IGSF6: variants seen among roughly 807,000 people sequenced by gnomAD.
IGSF6 encodes the protein down-regulated by activation (immunoglobulin superfamily).
IGSF6 carries 23 observed loss-of-function variants against 24.7 expected under a neutral mutation model. The observed-to-expected ratio is 0.93, with a 90% CI of 0.67 to 1.32. IGSF6 has a LOEUF of 1.32. IGSF6 is among the 40% of genes most tolerant of loss of function. IGSF6 has a pLI of 0.00. For missense variants in IGSF6, 295 were observed against 293.6 expected (o/e 1.00, Z -0.04); for synonymous variants, 110 against 113.7 (o/e 0.97, Z 0.21).
intron 3 of IGSF6, 70 bp from the exon 4 acceptor site, chr16:21,643,668 G>T: frequency 1.0e-6 from 1 of 981,928 alleles, no homozygotes; most frequent in Non-Finnish European, 1.6e-6. Flanking sequence ...GATATCTCAT[G>T]CCCTAATAAG....
chr16:21,644,334 CAG>C lies in IGSF6; in HGVS notation c.488_489del (p.Ser163CysfsTer50). ...GCCACGCACACACCGGTCACATAGA[CAG>C]AGAGCAGTGATACAAGAGCTGTCAG... The part of the protein sequence containing the change: ...SFLTALVSLL[S>X]VYVTGVCVAF... On this transcript the variant is annotated frameshift_variant, in exon 3 of 6. Transcript: ENST00000268389. LOFTEE classifies it high-confidence loss of function. 1.2e-6 allele frequency: 2 copies of C among 1,614,024 alleles called. No individual in the cohort carries two copies. Among genetic ancestry groups the C allele is most frequent in the Non-Finnish European group, 1.7e-6 (2 of 1,179,938 alleles).
At chr16:21,644,209 C>T in intron 3 of IGSF6, 81 bp downstream of exon 3, 1 of 1,040,796 alleles carries the variant, frequency 9.6e-7, no homozygotes, top group South Asian at 1.3e-5. Context: ...AGGCCCATAA[C>T]TTGTGGAGAG....
chr16:21,648,239 T>C (rs1966480213), intron 1 of IGSF6, among the ~76,000 whole-genome samples: 1 of 152,162 alleles, frequency 6.6e-6, no homozygotes, highest in African/African-American at 2.4e-5. Flanking sequence ...ATTAACAATA[T>C]TGTGATAAAG....
chr16:21,647,184 G>T lies in IGSF6; in HGVS notation c.376C>A (p.Pro126Thr). The T allele has an allele frequency of 1.2e-6, 2 of 1,614,052 alleles. No individual in the cohort carries two copies. Among genetic ancestry groups the T allele is most frequent in the Non-Finnish European group, 1.7e-6 (2 of 1,179,964 alleles). Residue 126 changes from proline (P) to threonine (T), a missense_variant, in exon 2 of 6, where the codon CCG (proline) becomes ACG (threonine). Physicochemically the swap from Pro to Thr is conservative, Grantham distance 38. Transcript: ENST00000268389. Reference sequence around the variant, plus strand: ...CCTGTCTGTTTAGCTCTCGCTTCCGGCACACTGGGGAATGCTATTCCACAG... The same window carrying T: ...CCTGTCTGTTTAGCTCTCGCTTCCGTCACACTGGGGAATGCTATTCCACAG... ...YICGIAFPSVPEARAKQTGGG... is the reference protein window; with the variant it reads ...YICGIAFPSVTEARAKQTGGG...
At chr16:21,645,188 C>G (rs927950941) in intron 2 of IGSF6, among the ~76,000 whole-genome samples, 3 of 152,218 alleles carry the variant, frequency 2.0e-5, no homozygotes, top group Admixed American at 1.3e-4. Flanking sequence ...TGTGATGGCT[C>G]ATGCCTGTAA....
intron 2 of IGSF6, among the ~76,000 whole-genome samples, chr16:21,644,649 G>A (rs895953287): frequency 3.3e-5 from 5 of 152,136 alleles, no homozygotes; most frequent in African/African-American, 1.2e-4. Context: ...CCAACCATTT[G>A]TCATATTGCT....
At chr16:21,644,084 C>T (rs1181371015) in intron 3 of IGSF6, among the ~76,000 whole-genome samples, 2 of 152,114 alleles carry the variant, frequency 1.3e-5, no homozygotes, top group African/African-American at 4.8e-5. Context: ...AAACTATGTC[C>T]CCTGGCTAAT....
chr16:21,647,483 C>G lies in IGSF6; in HGVS notation c.77G>C (p.Gly26Ala). ...NLILFCVGAV[G>A]ACTLSVTQPW... is the part of the protein sequence containing the mutation. ...TTGTGTGACAGAGAGAGTACAGGCGCCCACAGCACCTGTGGGAGGAAGCAG... is the reference window on the plus strand; with the variant it reads ...TTGTGTGACAGAGAGAGTACAGGCGGCCACAGCACCTGTGGGAGGAAGCAG... Residue 26 changes from glycine (G) to alanine (A), a missense_variant, in exon 2 of 6, where the codon GGC becomes GCC. Gly to Ala is a moderately conservative substitution (Grantham distance 60). Coordinates refer to ENST00000268389, the MANE Select transcript of IGSF6 (RefSeq NM_005849.4). 16 of 1,609,488 alleles carry G rather than the reference C, an allele frequency of 9.9e-6. 1 individual carries two copies. Among genetic ancestry groups the G allele is most frequent in the Non-Finnish European group, 1.4e-5 (16 of 1,176,276 alleles).
At chr16:21,645,936 C>T (rs887401391) in intron 2 of IGSF6, among the ~76,000 whole-genome samples, 6 of 152,120 alleles carry the variant, frequency 3.9e-5, no homozygotes, top group African/African-American at 9.7e-5. Context: ...CCATTAGAAC[C>T]CTCGTAGTTT....
At chr16:21,649,331 T>C (rs1161336345) in intron 1 of IGSF6, among the ~76,000 whole-genome samples, 1 of 152,102 alleles carries the variant, frequency 6.6e-6, no homozygotes, top group Non-Finnish European at 1.5e-5. Flanking sequence ...TTGTGCAACA[T>C]GAGATGAGCT....
At chr16:21,646,655 T>G in intron 2 of IGSF6, 2 of 222,956 alleles carry the variant, frequency 9.0e-6, no homozygotes, top group Non-Finnish European at 1.8e-5. Flanking sequence ...TGGATTGGAG[T>G]AGTTCTTTTG....
At chr16:21,643,862 T>G (rs1966344818) in intron 3 of IGSF6, among the ~76,000 whole-genome samples, 1 of 152,220 alleles carries the variant, frequency 6.6e-6, no homozygotes, top group Non-Finnish European at 1.5e-5. Flanking sequence ...TATTCTTTTT[T>G]AATAACTTTA....
intron 1 of IGSF6, among the ~76,000 whole-genome samples, chr16:21,648,073 A>G (rs906331659): frequency 2.0e-5 from 3 of 152,158 alleles, no homozygotes; most frequent in African/African-American, 7.2e-5. Context: ...AAAAGGCAAC[A>G]TGTACACCTG....
intron 2 of IGSF6, chr16:21,646,771 T>C: frequency 3.1e-6 from 1 of 325,280 alleles, no homozygotes; most frequent in Non-Finnish European, 6.1e-6. Flanking sequence ...TTCTCCTGCC[T>C]CAACCTCCCA....
Position 21,647,248 on chromosome 16 carries a change from A to G in IGSF6, c.312T>C (p.Thr104=), listed in dbSNP as rs1966454171. ...EALKENQVSL[T]VNRVTSNDSA... is the part of the protein sequence containing the mutation. ...TGTCATTTGAAGTCACTCTGTTTACAGTGAGGGAAACTTGGTTTTCTTTGA... is the reference window on the plus strand; with the variant it reads ...TGTCATTTGAAGTCACTCTGTTTACGGTGAGGGAAACTTGGTTTTCTTTGA... Residue 104 remains threonine, a synonymous_variant, in exon 2 of 6, where the codon ACT becomes ACC. Coordinates refer to ENST00000268389, the MANE Select transcript of IGSF6 (RefSeq NM_005849.4). 2 of 1,614,068 alleles carry G rather than the reference A, an allele frequency of 1.2e-6. No homozygotes were observed. The highest frequency in any genetic ancestry group is 1.3e-5 in the African/African-American group (1 of 74,918).
rs1567347146 is a variant in IGSF6 at position 21,647,354 on chromosome 16, C to T, written c.206G>A (p.Arg69His). ...GTTCTCAGGCTGGTGAGCACCGTAG[C>T]GAAACCACAGGCATGTTGGTTGCTC... The part of the protein sequence containing the change: ...PSEQPTCLWF[R>H]YGAHQPENLC... The change falls in exon 2 of 6, where the codon CGC (arginine) becomes CAC (histidine). Residue 69 changes from arginine to histidine, a missense_variant. Coordinates refer to ENST00000268389, the MANE Select transcript of IGSF6 (RefSeq NM_005849.4). 1.9e-5 allele frequency: 31 copies of T among 1,614,118 alleles called. No individual in the cohort carries two copies. The highest frequency in any genetic ancestry group is 2.7e-5 in the African/African-American group (2 of 75,012).
Position 21,647,642 on chromosome 16 carries a change from C to T in IGSF6, c.68-150G>A. 3.9e-6 allele frequency: 4 copies of T among 1,035,490 alleles called. No homozygotes were observed. The South Asian group carries it at 6.9e-5, about 18-fold the overall frequency. 64.1% of individuals were successfully genotyped at this position (1,035,490 alleles called of 1,614,324 possible). The stretch of plus-strand genomic sequence containing the variant: ...AGACTAAAAATAAACACCAGTGGTC[C>T]TCACTTGCCCCAACTCCTCCTGTTT... On this transcript the variant is annotated intron_variant, in intron 1 of 5. Transcript: ENST00000268389.
In IGSF6 at chr16:21,641,436, C is replaced by T; in HGVS notation, c.*98G>A. On this transcript the variant is annotated 3_prime_UTR_variant, in exon 6 of 6. Coordinates refer to ENST00000268389, the MANE Select transcript of IGSF6 (RefSeq NM_005849.4). ...GTAGCCAGTTGTCTTTTCAGTTTAC[C>T]TTTATTTTTTTTTAAGACCTGATGA... 6.9e-6 allele frequency: 4 copies of T among 583,750 alleles called. No individual in the cohort carries two copies. The highest frequency in any genetic ancestry group is 8.8e-6 in the Non-Finnish European group (3 of 341,982). The allele number at this position is 583,750 out of a possible 1,614,324, so 36.2% of individuals were successfully genotyped here.
chr16:21,649,046 A>G (rs901795620), intron 1 of IGSF6, among the ~76,000 whole-genome samples: 1 of 152,028 alleles, frequency 6.6e-6, no homozygotes, highest in African/African-American at 2.4e-5. Context: ...GCTGGAGTGC[A>G]ATGGTGCAAT....
Sources: gnomAD v4.1 joint callset for allele counts (sites outside exome capture counted in the v4.1 genomes callset) on GRCh38, gnomAD v4.1.1 for gene constraint, MANE v1.5 for transcripts, NCBI Gene and HGNC (gene_info 2026-07-23, HGNC 2026-07-21) for gene names.